The following DYRK1A variants were observed in gnomAD, a reference collection of about 807,000 sequenced individuals.
The protein encoded by DYRK1A is dual specificity tyrosine phosphorylation regulated kinase 1A.
Under a neutral mutation model 79.7 loss-of-function variants are expected in DYRK1A, and 9 were observed. The observed-to-expected ratio is 0.11, with a 90% CI of 0.07 to 0.20. The LOEUF (loss-of-function observed/expected upper bound fraction) is 0.20, where lower values mean the gene tolerates loss of function less well. Among genes scored for constraint, DYRK1A ranks in the 10% least tolerant of loss-of-function variants. DYRK1A has a pLI of 1.00. For missense variants in DYRK1A, 622 were observed against 956.0 expected (o/e 0.65, Z 4.61); for synonymous variants, 349 against 329.7 (o/e 1.06, Z -0.63).
intron 2 of DYRK1A, among the ~76,000 whole-genome samples, chr21:37,459,439 CT>C (rs1325861628): frequency 6.6e-6 from 1 of 152,128 alleles, no homozygotes; most frequent in Non-Finnish European, 1.5e-5. Context: ...TGTTCATTTT[CT>C]TTAGGGCTAC....
chr21:37,446,335 C>T (rs1233820942), intron 2 of DYRK1A, among the ~76,000 whole-genome samples: 1 of 152,086 alleles, frequency 6.6e-6, no homozygotes, highest in Non-Finnish European at 1.5e-5. Flanking sequence ...GAACTAAATG[C>T]ATTACTATTA....
rs761203347 is a variant in DYRK1A at position 37,472,894 on chromosome 21, G to A, written c.207+14G>A. The stretch of plus-strand genomic sequence containing the variant: ...CTAACTAACCAGGTAAGTTCATGGA[G>A]TATCAGAAATGACTATTGGAATGGC... On this transcript the variant is annotated intron_variant, in intron 3 of 11. Transcript: ENST00000647188. The A allele has an allele frequency of 6.6e-7, 1 of 1,504,548 alleles. No individual in the cohort carries two copies. The highest frequency in any genetic ancestry group is 9.0e-7 in the Non-Finnish European group (1 of 1,111,626). 93.2% of individuals were successfully genotyped at this position (1,504,548 alleles called of 1,614,324 possible). A position where few individuals can be genotyped will look rare whatever the true frequency, so the allele number is the denominator to read the frequency against.
At chr21:37,389,761 G>GT (rs2049834577) in intron 1 of DYRK1A, among the ~76,000 whole-genome samples, 1 of 152,026 alleles carries the variant, frequency 6.6e-6, no homozygotes, top group African/African-American at 2.4e-5. Flanking sequence ...ATGAATATGA[G>GT]TATCCCTAAG....
intron 2 of DYRK1A, among the ~76,000 whole-genome samples, chr21:37,421,202 CTGTT>C (rs1354994860): frequency 1.3e-5 from 2 of 152,152 alleles, no homozygotes; most frequent in Middle Eastern, 3.4e-3. Flanking sequence ...TATTTATAAA[CTGTT>C]TGAAAATGTG....
intron 1 of DYRK1A, among the ~76,000 whole-genome samples, chr21:37,398,089 A>T (rs1018692395): frequency 6.9e-5 from 10 of 144,592 alleles, no homozygotes; most frequent in Admixed American, 3.5e-4. Flanking sequence ...ATATATATAT[A>T]TTTATATTTA....
chr21:37,402,684 G>T (rs1048002694), intron 1 of DYRK1A, among the ~76,000 whole-genome samples: 6 of 151,896 alleles, frequency 4.0e-5, no homozygotes, highest in Non-Finnish European at 8.8e-5. Context: ...TTGTTCCACA[G>T]GTCACTAAGG....
intron 3 of DYRK1A, 42 bp from the exon 4 acceptor site, chr21:37,478,166 T>C: frequency 6.2e-7 from 1 of 1,610,774 alleles, no homozygotes; most frequent in Non-Finnish European, 8.5e-7. Flanking sequence ...TGCTAGTCTT[T>C]TCTGTCTATT....
chr21:37,480,544 CT>C, intron 4 of DYRK1A, 93 bp from the exon 5 acceptor site: 1 of 949,368 alleles, frequency 1.1e-6, no homozygotes, highest in Non-Finnish European at 1.5e-6. Flanking sequence ...CAAATGTCAA[CT>C]GTAGAAAATA....
chr21:37,490,048 A>G, intron 6 of DYRK1A, 127 bp from the exon 7 acceptor site: 1 of 952,316 alleles, frequency 1.1e-6, no homozygotes, highest in Non-Finnish European at 1.5e-6. Context: ...CAAAATGCTG[A>G]TCTCCAAACT....
In DYRK1A at chr21:37,514,544, A is replaced by G. The variant is rs2053846486; in HGVS notation, c.*2013A>G. 6.5e-6 allele frequency: 1 copy of G among 152,760 alleles called. No homozygotes were observed. The highest frequency in any genetic ancestry group is 1.9e-4 in the East Asian group (1 of 5,184). The allele number at this position is 152,760 out of a possible 1,614,324, so 9.5% of individuals were successfully genotyped here. A position where few individuals can be genotyped will look rare whatever the true frequency, so the allele number is the denominator to read the frequency against. ...GTCAATTTTTTTTCTGAACAAAAGC[A>G]GGTTTTTATATGTAAACAGTGAGAA... On this transcript the variant is annotated 3_prime_UTR_variant, in exon 12 of 12. Coordinates refer to ENST00000647188, the MANE Select transcript of DYRK1A (RefSeq NM_001347721.2).
chr21:37,451,084 T>C (rs960088437), intron 2 of DYRK1A, among the ~76,000 whole-genome samples: 2 of 152,122 alleles, frequency 1.3e-5, no homozygotes, highest in Non-Finnish European at 1.5e-5. Context: ...GTTAAAAAAA[T>C]GAAAGCTTAC....
At chr21:37,460,312 A>G (rs2835756) in intron 2 of DYRK1A, among the ~76,000 whole-genome samples, 51,855 of 151,922 alleles carry the variant, frequency 0.34, 9,032 homozygotes, top group East Asian at 0.43. Context: ...TTTTTGTATT[A>G]TTAAGTCAGG....
intron 1 of DYRK1A, among the ~76,000 whole-genome samples, chr21:37,381,943 T>C (rs1356318745): frequency 6.6e-6 from 1 of 152,214 alleles, no homozygotes; most frequent in East Asian, 1.9e-4. Flanking sequence ...GGACAAGTTT[T>C]CAAAAGAATG....
intron 1 of DYRK1A, among the ~76,000 whole-genome samples, chr21:37,408,141 T>A (rs1302782287): frequency 6.6e-6 from 1 of 152,166 alleles, no homozygotes; most frequent in Non-Finnish European, 1.5e-5. Flanking sequence ...AACAAGAAAA[T>A]CCCACACATT....
At chr21:37,374,312 A>G (rs970639818) in intron 1 of DYRK1A, among the ~76,000 whole-genome samples, 2 of 150,768 alleles carry the variant, frequency 1.3e-5, no homozygotes, top group Non-Finnish European at 2.9e-5. Flanking sequence ...AAGAAGGATG[A>G]TAGCAGAGAT....
intron 2 of DYRK1A, among the ~76,000 whole-genome samples, chr21:37,462,734 T>G (rs1041123887): frequency 3.3e-5 from 5 of 152,188 alleles, no homozygotes; most frequent in African/African-American, 1.2e-4. Flanking sequence ...GTGAGATTGC[T>G]GTGTTCTGTT....
At chr21:37,431,648 C>T (rs970686448) in intron 2 of DYRK1A, among the ~76,000 whole-genome samples, 18 of 152,160 alleles carry the variant, frequency 1.2e-4, no homozygotes, top group Admixed American at 1.0e-3. Flanking sequence ...GCAGTAGCTT[C>T]CCACCAAGGT....
At chr21:37,459,644 T>A (rs1415695238) in intron 2 of DYRK1A, among the ~76,000 whole-genome samples, 1 of 152,258 alleles carries the variant, frequency 6.6e-6, no homozygotes, top group East Asian at 1.9e-4. Context: ...AAGAAATTTA[T>A]GTAATTGAAA....
intron 9 of DYRK1A, 76 bp from the exon 10 acceptor site, chr21:37,505,207 T>A (rs983309855): frequency 8.4e-7 from 1 of 1,191,992 alleles, no homozygotes; most frequent in Non-Finnish European, 1.2e-6. Context: ...TATTTAAACA[T>A]ATTTGAAATT....
Sources: allele counts gnomAD v4.1 joint callset (sites outside exome capture counted in the v4.1 genomes callset), GRCh38; gene constraint gnomAD v4.1.1; transcripts MANE v1.5; gene names NCBI Gene and HGNC (gene_info 2026-07-23, HGNC 2026-07-21).